CD80: variants seen among roughly 807,000 people sequenced by gnomAD.
The protein encoded by CD80 is T-lymphocyte activation antigen CD80.
Under a neutral mutation model 27.1 loss-of-function variants are expected in CD80, and 13 were observed. That is an observed-to-expected ratio of 0.48 (90% confidence interval 0.31 to 0.76). CD80 has a LOEUF of 0.76. Ranked by LOEUF, CD80 falls within the 30% of genes least tolerant of loss-of-function variation. The probability of loss-of-function intolerance (pLI) is 0.04; values close to 1 mark genes in which losing one functional copy is unlikely to be tolerated. For synonymous variants in CD80, 125 were observed against 125.5 expected (o/e 1.00, Z 0.03); for missense variants, 277 against 347.9 (o/e 0.80, Z 1.62).
At chr3:119,530,957 A>G (rs1026172511) in intron 4 of CD80, among the ~76,000 whole-genome samples, 1 of 152,250 alleles carries the variant, frequency 6.6e-6, no homozygotes. Flanking sequence ...ACAGGGTAAT[A>G]TACAGTACTC....
At chr3:119,544,458 T>G (rs1441980669) in intron 3 of CD80, 92 bp downstream of exon 3, 3 of 1,079,544 alleles carry the variant, frequency 2.8e-6, no homozygotes, top group Non-Finnish European at 4.1e-6. Context: ...ACATCCCTCT[T>G]TGGTAAAATT....
chr3:119,528,831 C>T (rs548521983), intron 5 of CD80, among the ~76,000 whole-genome samples: 2 of 96,870 alleles, frequency 2.1e-5, no homozygotes, highest in African/African-American at 8.3e-5. Flanking sequence ...GAGGCTGAGG[C>T]CGGATAATTG....
rs2082272688 is a variant in CD80 at position 119,557,841 on chromosome 3, T to C, written c.-113A>G. On this transcript the variant is annotated 5_prime_UTR_variant, in exon 2 of 7. Transcript: ENST00000264246. Reference sequence around the variant, plus strand: ...GCTGATGACAATCCAATTGCTCACGTAGAAGACCCTCCAGTGATGTTTACA... The same window carrying C: ...GCTGATGACAATCCAATTGCTCACGCAGAAGACCCTCCAGTGATGTTTACA... 3 of 573,452 alleles carry C rather than the reference T, an allele frequency of 5.2e-6. No homozygotes were observed. The highest frequency in any genetic ancestry group is 2.7e-5 in the South Asian group (1 of 37,648). The allele number at this position is 573,452 out of a possible 1,614,324, so 35.5% of individuals were successfully genotyped here.
At chr3:119,546,969 G>T (rs60793946) in intron 2 of CD80, among the ~76,000 whole-genome samples, 2,255 of 152,232 alleles carry the variant, frequency 0.015, 57 homozygotes, top group African/African-American at 0.05. Context: ...TCAGTGGCGT[G>T]GCACAGGAAT....
At chr3:119,559,156 C>A (rs1222078676) in intron 1 of CD80, among the ~76,000 whole-genome samples, 2 of 152,192 alleles carry the variant, frequency 1.3e-5, no homozygotes, top group African/African-American at 4.8e-5. Context: ...CCCACTTTCA[C>A]TAGAATTTTA....
intron 6 of CD80, among the ~76,000 whole-genome samples, chr3:119,526,088 T>A (rs2082064589): frequency 6.6e-6 from 1 of 152,100 alleles, no homozygotes; most frequent in Non-Finnish European, 1.5e-5. Context: ...GGCAAATGTT[T>A]AGTTATTACC....
In CD80 at chr3:119,559,479, A is replaced by G. The variant is rs1051759609; in HGVS notation, c.-240T>C. 1.3e-5 allele frequency: 2 copies of G among 152,188 alleles called. No individual in the cohort carries two copies. Among genetic ancestry groups the G allele is most frequent in the African/African-American group, 4.8e-5 (2 of 41,450 alleles). The allele number at this position is 152,188 out of a possible 1,614,324, so 9.4% of individuals were successfully genotyped here. On this transcript the variant is annotated 5_prime_UTR_variant, in exon 1 of 7. Transcript: ENST00000264246. ...TTCCACTTTTTCTTTAAATCCTTTG[A>G]TTTCAGGGTAAGACTCCACTTCTGA...
At chr3:119,526,891 T>G (rs904882970) in intron 6 of CD80, among the ~76,000 whole-genome samples, 2 of 152,204 alleles carry the variant, frequency 1.3e-5, no homozygotes, top group Admixed American at 1.3e-4. Context: ...GGGAGGCTTA[T>G]AACTACCTGG....
At chr3:119,540,488 GT>G (rs2082161943) in intron 3 of CD80, among the ~76,000 whole-genome samples, 1 of 151,990 alleles carries the variant, frequency 6.6e-6, no homozygotes. Context: ...CCTAAATGAA[GT>G]TTGATATGTT....
At chr3:119,549,878 C>G (rs968562241) in intron 2 of CD80, among the ~76,000 whole-genome samples, 1 of 152,202 alleles carries the variant, frequency 6.6e-6, no homozygotes, top group East Asian at 1.9e-4. Context: ...ACAACCCAGA[C>G]ACTCCTAGTG....
At chr3:119,549,083 TCCAGGCC>T (rs1286273021) in intron 2 of CD80, among the ~76,000 whole-genome samples, 1 of 152,080 alleles carries the variant, frequency 6.6e-6, no homozygotes, top group Non-Finnish European at 1.5e-5. Flanking sequence ...TCCCTTTCTT[TCCAGGCC>T]TGATTGATCC....
intron 3 of CD80, among the ~76,000 whole-genome samples, chr3:119,538,231 C>T (rs543565621): frequency 4.5e-4 from 68 of 152,284 alleles, no homozygotes; most frequent in Non-Finnish European, 6.3e-4. Context: ...CCAGTAATGG[C>T]AGAATTCAAA....
intron 2 of CD80, among the ~76,000 whole-genome samples, chr3:119,551,891 T>C (rs1032645117): frequency 6.6e-6 from 1 of 152,172 alleles, no homozygotes; most frequent in Non-Finnish European, 1.5e-5. Flanking sequence ...TCAGTGCCCA[T>C]AGCTGGCATG....
At position 119,545,335 on chromosome 3, in the gene CD80, TCCAA is replaced by T. The variant is rs1160257001; in HGVS notation, c.101-472_101-469del. Among the ~76,000 whole-genome samples the T allele has an allele frequency of 3.2e-3, 480 of 150,018 alleles. 3 individuals carry two copies. Among genetic ancestry groups the T allele is most frequent in the African/African-American group, 0.011 (452 of 39,476 alleles). ...TGGGCAACAAGAGCAAAACTCCATC[TCCAA>T]ACAAACAAACAAACAAACAAACACA... On this transcript the variant is annotated intron_variant, in intron 2 of 6. Transcript: ENST00000264246.
chr3:119,538,168 A>G (rs892368282), intron 3 of CD80, among the ~76,000 whole-genome samples: 9 of 152,256 alleles, frequency 5.9e-5, no homozygotes, highest in African/African-American at 1.9e-4. Flanking sequence ...TTAACCTAAT[A>G]TAATTTCCAT....
At chr3:119,553,042 A>C (rs993419861) in intron 2 of CD80, among the ~76,000 whole-genome samples, 1 of 152,044 alleles carries the variant, frequency 6.6e-6, no homozygotes, top group Admixed American at 6.5e-5. Flanking sequence ...TCCTTCTGGA[A>C]TTCGATAGTG....
At chr3:119,558,063 G>A (rs191255937) in intron 1 of CD80, 135 bp from the exon 2 acceptor site, 217 of 171,422 alleles carry the variant, frequency 1.3e-3, no homozygotes, top group Non-Finnish European at 2.3e-3. Context: ...GTGACCCTGA[G>A]GAAAAGCGAA....
At chr3:119,528,767 C>CA (rs1201397142) in intron 5 of CD80, among the ~76,000 whole-genome samples, 27 of 150,212 alleles carry the variant, frequency 1.8e-4, no homozygotes, top group Admixed American at 9.2e-4. Context: ...ACTAAAAATA[C>CA]AAAAAAAAAT....
chr3:119,536,157 A>G (rs1227000207), intron 4 of CD80, among the ~76,000 whole-genome samples: 1 of 152,016 alleles, frequency 6.6e-6, no homozygotes, highest in Non-Finnish European at 1.5e-5. Flanking sequence ...AGGCTGAGGC[A>G]GAAGAATTGC....
Sources: allele counts gnomAD v4.1 joint callset (sites outside exome capture counted in the v4.1 genomes callset), GRCh38; gene constraint gnomAD v4.1.1; transcripts MANE v1.5; gene names NCBI Gene and HGNC (gene_info 2026-07-23, HGNC 2026-07-21).